GRIN2D: variants seen among roughly 807,000 people sequenced by gnomAD.
GRIN2D encodes the protein glutamate ionotropic receptor NMDA type subunit 2D, also known as glutamate receptor ionotropic, NMDA 2D.
A neutral mutation model predicts 103.2 loss-of-function variants in GRIN2D; 37 were observed. That is an observed-to-expected ratio of 0.36 (90% CI 0.28 to 0.47). GRIN2D has a LOEUF of 0.47. Ranked by LOEUF, GRIN2D falls within the 20% of genes least tolerant of loss-of-function variation. The pLI is 1.00. For synonymous variants in GRIN2D, 845 were observed against 885.6 expected (o/e 0.95, Z 0.81); for missense variants, 1,557 against 1,910.6 (o/e 0.81, Z 3.45).
chr19:48,418,963 T>C (rs959711872), intron 8 of GRIN2D, among the ~76,000 whole-genome samples: 1 of 151,964 alleles, frequency 6.6e-6, no homozygotes, highest in Non-Finnish European at 1.5e-5. Flanking sequence ...GAAGCAGAGA[T>C]AGGGCCAGAA....
intron 2 of GRIN2D, among the ~76,000 whole-genome samples, chr19:48,396,800 A>C (rs1970649000): frequency 6.6e-6 from 1 of 151,886 alleles, no homozygotes; most frequent in South Asian, 2.1e-4. Flanking sequence ...TGTGGGGTGG[A>C]CGAGGCCTGC....
chr19:48,441,830 G>A lies in GRIN2D; in HGVS notation c.2314G>A (p.Gly772Ser), dbSNP rs1971295987. Residue 772 changes from glycine to serine, a missense_variant, in exon 12 of 14, where the codon GGC becomes AGC. Physicochemically the swap from Gly to Ser is moderately conservative, Grantham distance 56. Coordinates refer to ENST00000263269, the MANE Select transcript of GRIN2D (RefSeq NM_000836.4). Reference protein sequence around the residue: ...VLNYMARKDEGCKLVTIGSGK... With the variant: ...VLNYMARKDESCKLVTIGSGK... Reference sequence around the variant, plus strand: ...CAATTACATGGCCCGCAAGGACGAGGGCTGCAAGCTTGTCACCATCGGCTC... The same window carrying A: ...CAATTACATGGCCCGCAAGGACGAGAGCTGCAAGCTTGTCACCATCGGCTC... 8.1e-6 allele frequency: 13 copies of A among 1,614,020 alleles called. No homozygotes were observed. The highest frequency in any genetic ancestry group is 1.1e-5 in the Non-Finnish European group (13 of 1,180,026).
chr19:48,402,127 A>G (rs1468448991), intron 3 of GRIN2D, among the ~76,000 whole-genome samples: 1 of 132,926 alleles, frequency 7.5e-6, no homozygotes, highest in Non-Finnish European at 1.6e-5. Flanking sequence ...AAAGAAAGAA[A>G]GAAAGAAAGA....
chr19:48,443,485 G>T lies in GRIN2D; in HGVS notation c.3559G>T (p.Glu1187Ter). ...AWHCRHCASL[E>*]LLPPPRHLSC... ...GCACTGTCGGCACTGCGCCAGCCTGGAGCTGCTGCCGCCGCCGCGCCATCT... is the reference window on the plus strand; with the variant it reads ...GCACTGTCGGCACTGCGCCAGCCTGTAGCTGCTGCCGCCGCCGCGCCATCT... The change falls in exon 14 of 14, where the codon GAG (glutamate) becomes TAG (stop). Residue 1187 changes from glutamate to a stop codon, truncating the protein, a stop_gained. Coordinates refer to ENST00000263269, the MANE Select transcript of GRIN2D (RefSeq NM_000836.4). LOFTEE classifies it high-confidence loss of function. The surrounding 1 kb of genome is among the most constrained non-coding windows in gnomAD (Gnocchi z 8.9). 7.3e-7 allele frequency: 1 copy of T among 1,364,858 alleles called. No homozygotes were observed. Among genetic ancestry groups the T allele is most frequent in the Non-Finnish European group, 9.4e-7 (1 of 1,060,104 alleles). The allele number at this position is 1,364,858 out of a possible 1,614,324, so 84.5% of individuals were successfully genotyped here.
At chr19:48,402,110 G>GAAAGAA (rs1555891747) in intron 3 of GRIN2D, among the ~76,000 whole-genome samples, 222 of 109,018 alleles carry the variant, frequency 2.0e-3, no homozygotes, top group African/African-American at 7.5e-3. Context: ...AAGAGAGAAA[G>GAAAGAA]AGAAGGAAAG....
intron 4 of GRIN2D, among the ~76,000 whole-genome samples, chr19:48,411,966 G>A (rs918717374): frequency 3.8e-4 from 57 of 151,862 alleles, no homozygotes; most frequent in African/African-American, 1.4e-3. Context: ...GTTGAGGTGG[G>A]AGGATCACTT....
At chr19:48,413,881 G>C (rs1292094305) in intron 4 of GRIN2D, 110 bp from the exon 5 acceptor site, 9 of 687,846 alleles carry the variant, frequency 1.3e-5, no homozygotes, top group Non-Finnish European at 2.1e-5. Flanking sequence ...AAAGAAGAGA[G>C]ATTCCAGCTG....
chr19:48,415,076 G>T (rs777192797), intron 7 of GRIN2D, 44 bp downstream of exon 7: 8 of 1,522,858 alleles, frequency 5.3e-6, no homozygotes, highest in Non-Finnish European at 7.1e-6. Context: ...GGGCGGAGTC[G>T]AGAGGCGGGC....
At chr19:48,410,107 G>A (rs1358513586) in intron 4 of GRIN2D, among the ~76,000 whole-genome samples, 1 of 151,362 alleles carries the variant, frequency 6.6e-6, no homozygotes, top group Non-Finnish European at 1.5e-5. Flanking sequence ...TGAGAGTAGT[G>A]GGGAGTTCAC....
In GRIN2D at chr19:48,444,216, A is replaced by T; in HGVS notation, c.*279A>T. The T allele has an allele frequency of 3.8e-5, 10 of 266,172 alleles. No individual in the cohort carries two copies. The highest frequency in any genetic ancestry group is 4.9e-5 in the Non-Finnish European group (7 of 141,424). 16.5% of individuals were successfully genotyped at this position (266,172 alleles called of 1,614,324 possible). A position where few individuals can be genotyped will look rare whatever the true frequency, so the allele number is the denominator to read the frequency against. On this transcript the variant is annotated 3_prime_UTR_variant, in exon 14 of 14. Transcript: ENST00000263269. This position sits in a 1 kb window ranked among gnomAD's most constrained non-coding sequence, Gnocchi z 5.5. ...GACAAGGGCTTTTTAACGTCACCAG[A>T]TGGGGCGGGAGGTGGGGGGTTCACG...
Position 48,443,106 on chromosome 19 carries a change from G to C in GRIN2D, c.3180G>C (p.Arg1060=). 9.8e-7 allele frequency: 1 copy of C among 1,021,414 alleles called. No individual in the cohort carries two copies. Among genetic ancestry groups the C allele is most frequent in the Middle Eastern group, 4.8e-4 (1 of 2,080 alleles). 63.3% of individuals were successfully genotyped at this position (1,021,414 alleles called of 1,614,324 possible). Residue 1060 remains arginine (R), a synonymous_variant, in exon 14 of 14, where the codon CGG becomes CGC. Transcript: ENST00000263269. The surrounding 1 kb of genome is among the most constrained non-coding windows in gnomAD (Gnocchi z 8.9). ...FEDESPPAPA[R]WPRSDPESQP... ...ACGAGAGCCCGCCGGCGCCCGCGCG[G>C]TGGCCGCGCTCGGACCCCGAGAGCC... is the stretch of plus-strand genomic sequence containing the variant.
chr19:48,398,911 A>G (rs1228796993), intron 3 of GRIN2D, 54 bp downstream of exon 3: 3 of 495,376 alleles, frequency 6.1e-6, no homozygotes, highest in Non-Finnish European at 4.6e-6. Context: ...ACAGCCGCTG[A>G]GGGGCGGGAC....
In GRIN2D at chr19:48,442,146, C is replaced by T; in HGVS notation, c.2441-4C>T. 6.2e-7 allele frequency: 1 copy of T among 1,613,698 alleles called. No individual in the cohort carries two copies. The highest frequency in any genetic ancestry group is 1.1e-5 in the South Asian group (1 of 91,082). On this transcript the variant is annotated splice_region_variant and splice_polypyrimidine_tract_variant and intron_variant, in intron 12 of 13. Coordinates refer to ENST00000263269, the MANE Select transcript of GRIN2D (RefSeq NM_000836.4). This position sits in a 1 kb window ranked among gnomAD's most constrained non-coding sequence, Gnocchi z 7.2. Reference sequence around the variant, plus strand: ...GCAGGTGACTTTTGACCGCCCCTCCCTAGATGAGATCGAGATGCTGGAGCG... The same window carrying T: ...GCAGGTGACTTTTGACCGCCCCTCCTTAGATGAGATCGAGATGCTGGAGCG...
intron 2 of GRIN2D, among the ~76,000 whole-genome samples, chr19:48,395,364 C>G (rs185838710): frequency 1.3e-5 from 2 of 151,944 alleles, no homozygotes; most frequent in Non-Finnish European, 2.9e-5. Flanking sequence ...TTAATACCCC[C>G]GCCAAGGACC....
At chr19:48,440,516 C>G (rs563775600) in intron 11 of GRIN2D, among the ~76,000 whole-genome samples, 2 of 152,032 alleles carry the variant, frequency 1.3e-5, no homozygotes, top group Non-Finnish European at 2.9e-5. Flanking sequence ...TCGGTTGAAC[C>G]GAAGAGGTCA....
intron 4 of GRIN2D, among the ~76,000 whole-genome samples, chr19:48,413,212 T>C (rs1260056236): frequency 1.5e-5 from 2 of 132,550 alleles, no homozygotes; most frequent in Admixed American, 1.7e-4. Flanking sequence ...TGGTGGCTCA[T>C]GCCTGTAATC....
intron 3 of GRIN2D, among the ~76,000 whole-genome samples, chr19:48,403,986 T>C (rs1050739456): frequency 2.6e-5 from 4 of 152,176 alleles, no homozygotes; most frequent in Non-Finnish European, 4.4e-5. Flanking sequence ...ACGCCTGTAA[T>C]TCCAGCACTT....
chr19:48,443,534 AC>A lies in GRIN2D; in HGVS notation c.3609del (p.Asp1203GlufsTer315). The A allele has an allele frequency of 7.8e-7, 1 of 1,287,918 alleles. No individual in the cohort carries two copies. Among genetic ancestry groups the A allele is most frequent in the South Asian group, 2.2e-5 (1 of 45,062 alleles). 79.8% of individuals were successfully genotyped at this position (1,287,918 alleles called of 1,614,324 possible). A position where few individuals can be genotyped will look rare whatever the true frequency, so the allele number is the denominator to read the frequency against. ...CTCAGCTGCTCGCACGATGGCCTGG[AC>A]GGCGGCTGGTGGGCGCCACCGCCTC... ...RHLSCSHDGL[D>X]GGWWAPPPPP... On this transcript the variant is annotated frameshift_variant, in exon 14 of 14. Coordinates refer to ENST00000263269, the MANE Select transcript of GRIN2D (RefSeq NM_000836.4). LOFTEE classifies it high-confidence loss of function. This position sits in a 1 kb window ranked among gnomAD's most constrained non-coding sequence, Gnocchi z 8.9.
At chr19:48,415,089 A>G (rs1970928078) in intron 7 of GRIN2D, 57 bp downstream of exon 7, 15 of 1,474,786 alleles carry the variant, frequency 1.0e-5, no homozygotes, top group African/African-American at 1.4e-5. Flanking sequence ...AGGCGGGCAC[A>G]GCCGGGCGTG....
Sources: gnomAD v4.1 joint callset for allele counts (sites outside exome capture counted in the v4.1 genomes callset) on GRCh38, gnomAD v4.1.1 for gene constraint, Gnocchi (gnomAD v3.1) non-coding constraint, MANE v1.5 for transcripts, NCBI Gene and HGNC (gene_info 2026-07-23, HGNC 2026-07-21) for gene names.